Variants in STK39 observed in about 807,000 individuals in gnomAD.
STK39 encodes serine/threonine kinase 39.
A neutral mutation model predicts 77.8 loss-of-function variants in STK39; 20 were observed. The ratio of observed to expected loss-of-function variants is 0.26; its 90% confidence interval spans 0.18 to 0.37. STK39 has a LOEUF of 0.37. Ranked by LOEUF, STK39 falls within the 10% of genes least tolerant of loss-of-function variation. The pLI, the probability that STK39 is intolerant of heterozygous loss-of-function variation, is 1.00. For missense variants in STK39, 479 were observed against 656.5 expected (o/e 0.73, Z 2.95); for synonymous variants, 246 against 234.1 (o/e 1.05, Z -0.47).
intron 16 of STK39, among the ~76,000 whole-genome samples, chr2:167,976,095 C>T (rs537969533): frequency 1.9e-4 from 29 of 152,320 alleles, no homozygotes; most frequent in Middle Eastern, 3.4e-3. Context: ...AATTTTTCCT[C>T]GGAAACCCTA....
chr2:168,205,738 G>A (rs1315481685), intron 1 of STK39, among the ~76,000 whole-genome samples: 1 of 152,134 alleles, frequency 6.6e-6, no homozygotes, highest in Non-Finnish European at 1.5e-5. Context: ...AGAATAGCTT[G>A]AGCCCAGGAG....
intron 3 of STK39, among the ~76,000 whole-genome samples, chr2:168,165,811 C>A (rs915105803): frequency 6.6e-6 from 1 of 151,946 alleles, no homozygotes; most frequent in African/African-American, 2.4e-5. Context: ...ATTAAAACAC[C>A]TCCCTCGACA....
chr2:168,160,465 A>ACAGCAG (rs1207029687), intron 5 of STK39, among the ~76,000 whole-genome samples: 2 of 99,690 alleles, frequency 2.0e-5, no homozygotes, highest in African/African-American at 3.2e-5. Context: ...AATAGTAGTA[A>ACAGCAG]TAGTAGCAAC....
At chr2:168,199,261 G>A (rs1689550428) in intron 1 of STK39, among the ~76,000 whole-genome samples, 2 of 152,192 alleles carry the variant, frequency 1.3e-5, no homozygotes, top group South Asian at 4.1e-4. Context: ...CAGCCCTGGA[G>A]CAGCACGTCA....
intron 1 of STK39, among the ~76,000 whole-genome samples, chr2:168,230,704 G>A (rs906726664): frequency 1.3e-5 from 2 of 152,132 alleles, no homozygotes; most frequent in East Asian, 1.9e-4. Context: ...AGGCACCCTC[G>A]CTGGCAAAAC....
chr2:168,050,928 G>C (rs1685379914), intron 14 of STK39, among the ~76,000 whole-genome samples: 1 of 152,192 alleles, frequency 6.6e-6, no homozygotes, highest in Non-Finnish European at 1.5e-5. Flanking sequence ...AAGTTTTCTA[G>C]CACTTCGGGG....
intron 10 of STK39, among the ~76,000 whole-genome samples, chr2:168,098,472 C>T (rs1037192210): frequency 6.6e-6 from 1 of 152,184 alleles, no homozygotes; most frequent in Admixed American, 6.5e-5. Flanking sequence ...TCAGTTATTG[C>T]ACCACGTATG....
At chr2:168,188,593 C>A (rs966052019) in intron 1 of STK39, among the ~76,000 whole-genome samples, 3 of 152,126 alleles carry the variant, frequency 2.0e-5, no homozygotes, top group Admixed American at 2.0e-4. Context: ...GTGAAATTGC[C>A]ATTTTTCTAC....
intron 5 of STK39, 140 bp from the exon 6 acceptor site, chr2:168,140,898 G>GAA: frequency 1.6e-6 from 1 of 624,000 alleles, no homozygotes; most frequent in Non-Finnish European, 2.6e-6. Context: ...GCTCTCTCAG[G>GAA]AAAAAAAAGG....
intron 1 of STK39, among the ~76,000 whole-genome samples, chr2:168,219,380 T>C (rs2138750): frequency 0.58 from 88,385 of 151,948 alleles, 29,315 homozygotes; most frequent in Non-Finnish European, 0.78. Context: ...CCTAGCAGAA[T>C]ACAGATAAGT....
chr2:168,222,250 T>C (rs1690191984), intron 1 of STK39, among the ~76,000 whole-genome samples: 1 of 152,196 alleles, frequency 6.6e-6, no homozygotes, highest in African/African-American at 2.4e-5. Flanking sequence ...CTGTGCTCTT[T>C]TCAGCTGTCA....
intron 10 of STK39, among the ~76,000 whole-genome samples, chr2:168,079,280 C>T (rs1686164393): frequency 6.6e-6 from 1 of 152,124 alleles, no homozygotes; most frequent in African/African-American, 2.4e-5. Context: ...TCCTCTCCTG[C>T]TCTTCCACCA....
intron 14 of STK39, among the ~76,000 whole-genome samples, chr2:168,046,846 A>G (rs1276472584): frequency 6.6e-6 from 1 of 152,246 alleles, no homozygotes; most frequent in Non-Finnish European, 1.5e-5. Flanking sequence ...ACTTTTTTAC[A>G]TTCCAAGTGA....
chr2:168,238,999 A>G (rs936137209), intron 1 of STK39, among the ~76,000 whole-genome samples: 6 of 152,218 alleles, frequency 3.9e-5, no homozygotes, highest in African/African-American at 1.2e-4. Flanking sequence ...TAAAGGAATT[A>G]TAACATCTAT....
chr2:167,963,979 T>C (rs530997455), intron 17 of STK39, among the ~76,000 whole-genome samples: 2 of 152,356 alleles, frequency 1.3e-5, no homozygotes, highest in East Asian at 1.9e-4. Context: ...TAAAATTTTT[T>C]GGAAAACGGT....
intron 1 of STK39, among the ~76,000 whole-genome samples, chr2:168,217,138 G>C (rs572932972): frequency 5.6e-4 from 85 of 152,170 alleles, no homozygotes; most frequent in Non-Finnish European, 9.3e-4. Context: ...AGCTCTACCT[G>C]TGTCTTCAAA....
intron 1 of STK39, among the ~76,000 whole-genome samples, chr2:168,245,321 T>C (rs777619082): frequency 2.6e-5 from 4 of 152,208 alleles, no homozygotes; most frequent in African/African-American, 7.2e-5. Flanking sequence ...TCACATCCTA[T>C]AGGATCCTTT....
chr2:168,144,130 A>G (rs146183936), intron 5 of STK39, among the ~76,000 whole-genome samples: 2 of 152,248 alleles, frequency 1.3e-5, no homozygotes, highest in Non-Finnish European at 2.9e-5. Flanking sequence ...AGGTATGGTT[A>G]TCTGATTTGG....
At chr2:168,152,331 C>T (rs1427600736) in intron 5 of STK39, among the ~76,000 whole-genome samples, 1 of 152,196 alleles carries the variant, frequency 6.6e-6, no homozygotes, top group Non-Finnish European at 1.5e-5. Flanking sequence ...TCTCTACACC[C>T]AAGACAATCC....
Sources: allele counts gnomAD v4.1 joint callset (sites outside exome capture counted in the v4.1 genomes callset), GRCh38; gene constraint gnomAD v4.1.1; transcripts MANE v1.5; gene names NCBI Gene and HGNC (gene_info 2026-07-23, HGNC 2026-07-21).